PPP1R14C: variants seen among roughly 807,000 people sequenced by gnomAD.
PPP1R14C encodes protein phosphatase 1 regulatory inhibitor subunit 14C, also known as protein phosphatase 1 regulatory subunit 14C.
In PPP1R14C, 16 loss-of-function variants were observed where a neutral mutation model predicts 20.4. The ratio of observed to expected loss-of-function variants is 0.78; its 90% CI spans 0.53 to 1.19. The LOEUF (loss-of-function observed/expected upper bound fraction) is 1.19, where lower values mean the gene tolerates loss of function less well. Ranked by LOEUF, PPP1R14C falls within the 50% of genes most tolerant of loss-of-function variation. The probability of loss-of-function intolerance (pLI) is 0.00; values close to 1 mark genes in which losing one functional copy is unlikely to be tolerated. For missense variants in PPP1R14C, 211 were observed against 220.1 expected (o/e 0.96, Z 0.26); for synonymous variants, 91 against 91.0 (o/e 1.00, Z 0.00).
At chr6:150,232,836 A>G (rs1209983529) in intron 3 of PPP1R14C, among the ~76,000 whole-genome samples, 4 of 152,252 alleles carry the variant, frequency 2.6e-5, no homozygotes, top group African/African-American at 9.6e-5. Flanking sequence ...CCTTATTCAA[A>G]GTGTCTTAAC....
rs565892722 is a variant in PPP1R14C, at chr6:150,201,691, G to T, written c.307-13053G>T. Reference sequence around the variant, plus strand: ...TACTCTGGCTACAGAGTGGAAACTGGGATGGCGGAGGCATGAGGGTGAGTT... The same window carrying T: ...TACTCTGGCTACAGAGTGGAAACTGTGATGGCGGAGGCATGAGGGTGAGTT... On this transcript the variant is annotated intron_variant, in intron 1 of 3. Coordinates refer to ENST00000361131, the MANE Select transcript of PPP1R14C (RefSeq NM_030949.3). The surrounding 1 kb of genome is among the most constrained non-coding windows in gnomAD (Gnocchi z 4.2). Among the ~76,000 whole-genome samples the T allele has an allele frequency of 9.2e-5, 14 of 152,322 alleles. No individual in the cohort carries two copies. In the South Asian group the frequency reaches 2.5e-3, roughly 27 times the overall value.
At chr6:150,170,778 C>CT (rs59562721) in intron 1 of PPP1R14C, among the ~76,000 whole-genome samples, 58,640 of 131,146 alleles carry the variant, frequency 0.45, 13,647 homozygotes, top group South Asian at 0.54. Flanking sequence ...CAGTACGACT[C>CT]TTTTTTTTTT....
chr6:150,178,965 T>C (rs1777591693), intron 1 of PPP1R14C, among the ~76,000 whole-genome samples: 1 of 152,240 alleles, frequency 6.6e-6, no homozygotes. Flanking sequence ...ATTTTTTTGC[T>C]TTCTATACTC....
chr6:150,224,078 G>A (rs1016529799), intron 3 of PPP1R14C, among the ~76,000 whole-genome samples: 6 of 152,194 alleles, frequency 3.9e-5, no homozygotes, highest in Admixed American at 3.9e-4. Context: ...TGGATTTCCA[G>A]TTGTCTCAGG....
intron 3 of PPP1R14C, among the ~76,000 whole-genome samples, chr6:150,219,495 C>A (rs1037554087): frequency 6.6e-6 from 1 of 151,964 alleles, no homozygotes; most frequent in Non-Finnish European, 1.5e-5. Context: ...GGATTACAGG[C>A]GTGAGTCACT....
intron 1 of PPP1R14C, among the ~76,000 whole-genome samples, chr6:150,214,029 C>T (rs1007876950): frequency 6.6e-6 from 1 of 152,198 alleles, no homozygotes; most frequent in Admixed American, 6.5e-5. Flanking sequence ...TGGTAGCCAC[C>T]GGTAATTTCC....
chr6:150,143,190 G>C lies in PPP1R14C; in HGVS notation c.-3G>C, dbSNP rs557432817. On this transcript the variant is annotated 5_prime_UTR_variant, in exon 1 of 4. Coordinates refer to ENST00000361131, the MANE Select transcript of PPP1R14C (RefSeq NM_030949.3). The surrounding 1 kb of genome is among the most constrained non-coding windows in gnomAD (Gnocchi z 5.6). Reference sequence around the variant, plus strand: ...CCGCACTGAGGCTCGGGCGCGCGGGGACATGTCGGTGGCGACGGGCAGCAG... The same window carrying C: ...CCGCACTGAGGCTCGGGCGCGCGGGCACATGTCGGTGGCGACGGGCAGCAG... 5.0e-4 allele frequency: 664 copies of C among 1,335,826 alleles called. 3 individuals carry two copies. In the African/African-American group the frequency reaches 8.3e-3, roughly 17 times the overall value. The allele number at this position is 1,335,826 out of a possible 1,614,324, so 82.7% of individuals were successfully genotyped here.
chr6:150,177,598 G>A (rs1020046920), intron 1 of PPP1R14C, among the ~76,000 whole-genome samples: 7 of 152,114 alleles, frequency 4.6e-5, no homozygotes, highest in Non-Finnish European at 1.0e-4. Context: ...CTCTCTCCCC[G>A]GTAGGGTTCA....
Position 150,196,065 on chromosome 6 carries a change from A to G in PPP1R14C, c.307-18679A>G, listed in dbSNP as rs1302670707. The G allele has an allele frequency of 3.0e-6, 3 of 985,318 alleles. No homozygotes were observed. In the African/African-American group the frequency reaches 5.2e-5, roughly 17 times the overall value. The allele number at this position is 985,318 out of a possible 1,614,324, so 61.0% of individuals were successfully genotyped here. ...CTTGTGTCAGAGAGACTAAAACCGTAGTTCTGCTAGACCTCTCACCCCTTT... is the reference window on the plus strand; with the variant it reads ...CTTGTGTCAGAGAGACTAAAACCGTGGTTCTGCTAGACCTCTCACCCCTTT... On this transcript the variant is annotated intron_variant, in intron 1 of 3. Transcript: ENST00000361131.
intron 1 of PPP1R14C, among the ~76,000 whole-genome samples, chr6:150,206,063 A>G (rs1050647914): frequency 5.9e-5 from 9 of 151,668 alleles, no homozygotes; most frequent in African/African-American, 2.2e-4. Flanking sequence ...CCCTTCCCCC[A>G]CCATGGCCCC....
intron 3 of PPP1R14C, among the ~76,000 whole-genome samples, chr6:150,231,964 C>T (rs959419216): frequency 6.6e-6 from 1 of 152,132 alleles, no homozygotes; most frequent in Non-Finnish European, 1.5e-5. Context: ...TGGCCTGTTG[C>T]CTTCCTTGTG....
chr6:150,237,081 G>A (rs1386260903), intron 3 of PPP1R14C, among the ~76,000 whole-genome samples: 1 of 151,772 alleles, frequency 6.6e-6, no homozygotes, highest in Admixed American at 6.6e-5. Context: ...GGTCTCACTT[G>A]GTGTCACACA....
intron 1 of PPP1R14C, among the ~76,000 whole-genome samples, chr6:150,159,617 C>CT (rs35323993): frequency 3.4e-4 from 50 of 146,180 alleles, no homozygotes; most frequent in South Asian, 6.7e-4. Context: ...GCCAGGCATT[C>CT]TTTTTTTTTT....
intron 1 of PPP1R14C, among the ~76,000 whole-genome samples, chr6:150,213,346 A>ACACACACACAC (rs1562271283): frequency 6.7e-6 from 1 of 149,306 alleles, no homozygotes; most frequent in Admixed American, 6.7e-5. Context: ...TTTGTGTTGT[A>ACACACACACAC]ACACACACAC....
rs143007710 is a variant in PPP1R14C, at chr6:150,209,905, G to GTGTA, written c.307-4837_307-4834dup. 7.1e-3 allele frequency among the ~76,000 whole-genome samples: 1,082 copies of GTGTA among 151,506 alleles called. 10 individuals are homozygous for GTGTA. Among genetic ancestry groups the GTGTA allele is most frequent in the African/African-American group, 0.025 (1,045 of 41,258 alleles). ...GTGGAGTGTATTCATCTGTGTGTATGTGTATATGTTTGTGTATGTGTGTGT... is the reference window on the plus strand; with the variant it reads ...GTGGAGTGTATTCATCTGTGTGTATGTGTATGTATATGTTTGTGTATGTGTGTGT... On this transcript the variant is annotated intron_variant, in intron 1 of 3. Coordinates refer to ENST00000361131, the MANE Select transcript of PPP1R14C (RefSeq NM_030949.3).
intron 3 of PPP1R14C, among the ~76,000 whole-genome samples, chr6:150,221,423 C>T (rs1373256227): frequency 6.6e-6 from 1 of 152,202 alleles, no homozygotes; most frequent in African/African-American, 2.4e-5. Flanking sequence ...GGACTTTGCC[C>T]TGTCTGAACT....
At position 150,204,431 on chromosome 6, in the gene PPP1R14C, G is replaced by A. The variant is rs1427425964; in HGVS notation, c.307-10313G>A. On this transcript the variant is annotated intron_variant, in intron 1 of 3. Transcript: ENST00000361131. ...CTGTGGTTTTGAACAAATCGGTAATGTGATAAGTCTTCACTTAACGATTTT... is the reference window on the plus strand; with the variant it reads ...CTGTGGTTTTGAACAAATCGGTAATATGATAAGTCTTCACTTAACGATTTT... 2.6e-5 allele frequency among the ~76,000 whole-genome samples: 4 copies of A among 152,186 alleles called. No individual in the cohort carries two copies. In the East Asian group the frequency reaches 5.8e-4, roughly 22 times the overall value.
intron 1 of PPP1R14C, chr6:150,194,840 C>T (rs1460920464): frequency 1.0e-6 from 1 of 985,252 alleles, no homozygotes; most frequent in African/African-American, 1.7e-5. Flanking sequence ...GGGAAGTCTA[C>T]TTGTTTGAGT....
At chr6:150,241,665 T>C (rs971222475) in intron 3 of PPP1R14C, among the ~76,000 whole-genome samples, 2 of 152,114 alleles carry the variant, frequency 1.3e-5, no homozygotes, top group Non-Finnish European at 2.9e-5. Context: ...GGTGGGCGGA[T>C]CACTTGAGGC....
Sources: gnomAD v4.1 joint callset for allele counts (sites outside exome capture counted in the v4.1 genomes callset) on GRCh38, gnomAD v4.1.1 for gene constraint, Gnocchi (gnomAD v3.1) non-coding constraint, MANE v1.5 for transcripts, NCBI Gene and HGNC (gene_info 2026-07-23, HGNC 2026-07-21) for gene names.